Variants in ARID1B observed in about 807,000 individuals in gnomAD.
The protein encoded by ARID1B is AT-rich interaction domain 1B.
In ARID1B, 30 loss-of-function variants were observed where a neutral mutation model predicts 212.3. The ratio of observed to expected loss-of-function variants is 0.14; its 90% CI spans 0.11 to 0.19. The LOEUF (loss-of-function observed/expected upper bound fraction) is 0.19. ARID1B is among the 10% of genes least tolerant of loss of function. The pLI, the probability that ARID1B is intolerant of heterozygous loss-of-function variation, is 1.00. For missense variants in ARID1B, 2,891 were observed against 3,204.0 expected (o/e 0.90, Z 2.36); for synonymous variants, 1,402 against 1,301.7 (o/e 1.08, Z -1.66).
chr6:156,927,368 A>G (rs370159597), intron 3 of ARID1B, among the ~76,000 whole-genome samples: 53 of 152,060 alleles, frequency 3.5e-4, no homozygotes, highest in Non-Finnish European at 6.5e-4. Flanking sequence ...TTGATTTGCA[A>G]TGGTTTAACA....
intron 4 of ARID1B, among the ~76,000 whole-genome samples, chr6:156,946,204 A>G (rs901410879): frequency 9.6e-5 from 5 of 52,338 alleles, no homozygotes; most frequent in African/African-American, 1.6e-4. Flanking sequence ...TAAAAATACG[A>G]AAAAAAAAAA....
chr6:156,948,327 C>G (rs1793317536), intron 4 of ARID1B, among the ~76,000 whole-genome samples: 1 of 152,208 alleles, frequency 6.6e-6, no homozygotes, highest in African/African-American at 2.4e-5. Context: ...AGCCTCCCAC[C>G]TCAGCCTCTC....
At chr6:156,847,784 T>C (rs79037667) in intron 2 of ARID1B, among the ~76,000 whole-genome samples, 5,029 of 152,280 alleles carry the variant, frequency 0.033, 277 homozygotes, top group African/African-American at 0.11. Flanking sequence ...ATTTTAAGGT[T>C]ATATTTAGTT....
At chr6:156,932,497 A>G (rs555368096) in intron 3 of ARID1B, among the ~76,000 whole-genome samples, 31 of 152,344 alleles carry the variant, frequency 2.0e-4, no homozygotes, top group African/African-American at 7.0e-4. Flanking sequence ...TTAAACTTAC[A>G]AATAACCAAA....
intron 2 of ARID1B, among the ~76,000 whole-genome samples, chr6:156,840,906 A>G (rs551001664): frequency 6.6e-5 from 10 of 152,320 alleles, no homozygotes; most frequent in East Asian, 1.9e-4. Context: ...CACTGGGTGT[A>G]ATACCTCAGT....
chr6:157,206,016 T>C lies in ARID1B; in HGVS notation c.5395-151T>C. ...AGTTCGCTGGACCTGAAGGGTAGTT[T>C]ATCTTTCATGGTCCAGCCAAAAAGG... On this transcript the variant is annotated intron_variant, in intron 19 of 19. Transcript: ENST00000636930. This position sits in a 1 kb window ranked among gnomAD's most constrained non-coding sequence, Gnocchi z 6.8. The C allele has an allele frequency of 1.2e-6, 1 of 860,336 alleles. No individual in the cohort carries two copies. The highest frequency in any genetic ancestry group is 1.7e-5 in the African/African-American group (1 of 59,478). The allele number at this position is 860,336 out of a possible 1,614,324, so 53.3% of individuals were successfully genotyped here. A position where few individuals can be genotyped will look rare whatever the true frequency, so the allele number is the denominator to read the frequency against.
chr6:156,789,352 G>A (rs1409687560), intron 1 of ARID1B, among the ~76,000 whole-genome samples: 9 of 152,160 alleles, frequency 5.9e-5, no homozygotes, highest in South Asian at 2.1e-4. Context: ...AACTGTGTGC[G>A]TCAGGGCTTT....
chr6:156,833,587 A>G (rs1783293519), intron 2 of ARID1B, among the ~76,000 whole-genome samples: 2 of 152,222 alleles, frequency 1.3e-5, no homozygotes, highest in African/African-American at 4.8e-5. Context: ...TGCTTTTATG[A>G]TGGGAAAACA....
rs574696744 is a variant in ARID1B at position 157,200,395 on chromosome 6, G to T, written c.4480-310G>T. ...TAGTGCAGCTCCCAGCCCGGGAGCC[G>T]TCTGCCTGTGTGGGAGTTGAACGCT... On this transcript the variant is annotated intron_variant, in intron 17 of 19. Transcript: ENST00000636930. This position sits in a 1 kb window ranked among gnomAD's most constrained non-coding sequence, Gnocchi z 4.3. Among the ~76,000 whole-genome samples the T allele has an allele frequency of 6.6e-6, 1 of 151,992 alleles. No homozygotes were observed. Among genetic ancestry groups the T allele is most frequent in the African/African-American group, 2.4e-5 (1 of 41,378 alleles).
At chr6:157,119,116 C>T (rs1049567560) in intron 6 of ARID1B, among the ~76,000 whole-genome samples, 1 of 152,136 alleles carries the variant, frequency 6.6e-6, no homozygotes, top group Admixed American at 6.5e-5. Flanking sequence ...TTTTCTCCCC[C>T]GTCTGCCCCA....
intron 8 of ARID1B, among the ~76,000 whole-genome samples, chr6:157,157,935 A>T (rs1423523782): frequency 6.6e-6 from 1 of 152,202 alleles, no homozygotes; most frequent in Non-Finnish European, 1.5e-5. Context: ...AGGTGGGAGG[A>T]TCACTTGAGC....
chr6:157,180,414 C>T (rs1309467045), intron 11 of ARID1B, among the ~76,000 whole-genome samples: 1 of 152,002 alleles, frequency 6.6e-6, no homozygotes, highest in East Asian at 1.9e-4. Context: ...AGCTTATAGC[C>T]CACACCACTG....
At chr6:157,116,572 T>C (rs970893716) in intron 6 of ARID1B, among the ~76,000 whole-genome samples, 8 of 150,898 alleles carry the variant, frequency 5.3e-5, no homozygotes, top group African/African-American at 1.5e-4. Context: ...CCTTGAGATA[T>C]GCTGAAGCAG....
At chr6:156,876,051 C>A (rs748750558) in intron 2 of ARID1B, among the ~76,000 whole-genome samples, 15 of 150,332 alleles carry the variant, frequency 1.0e-4, no homozygotes, top group East Asian at 3.9e-4. Flanking sequence ...TGTCTGCATA[C>A]ACTGTCCTTT....
In ARID1B at chr6:157,189,685, T is replaced by C. The variant is rs372186962; in HGVS notation, c.3963T>C (p.Thr1321=). 106 of 1,613,820 alleles carry C rather than the reference T, an allele frequency of 6.6e-5. 1 individual carries two copies. The highest frequency in any genetic ancestry group is 1.6e-4 in the Middle Eastern group (1 of 6,084). The change falls in exon 14 of 20, where the codon ACT becomes ACC. Residue 1321 remains threonine (T), a synonymous_variant. Coordinates refer to ENST00000636930, the MANE Select transcript of ARID1B (RefSeq NM_001374828.1). ...SLQGPQTPQS[T]GSNSMAEVPG... is the part of the protein sequence containing the mutation. ...AAGGCCCACAGACCCCCCAGTCAAC[T>C]GGCAGCAATTCCATGGCAGAGGTTC... is the stretch of plus-strand genomic sequence containing the variant.
At chr6:157,095,844 A>T (rs1785581810) in intron 5 of ARID1B, among the ~76,000 whole-genome samples, 1 of 88,980 alleles carries the variant, frequency 1.1e-5, no homozygotes, top group Admixed American at 1.1e-4. Flanking sequence ...ATTCTACTTG[A>T]AAAAAGGCAA....
chr6:156,974,904 C>T (rs1475183292), intron 4 of ARID1B, among the ~76,000 whole-genome samples: 1 of 152,166 alleles, frequency 6.6e-6, no homozygotes, highest in African/African-American at 2.4e-5. Flanking sequence ...AACACCACTA[C>T]ACATATTTAT....
intron 8 of ARID1B, chr6:157,150,417 T>C (rs1204618342): frequency 1.3e-5 from 2 of 152,364 alleles, no homozygotes; most frequent in Non-Finnish European, 2.9e-5. Flanking sequence ...CTGCCCATTT[T>C]AGCTCACCAG....
chr6:157,103,474 C>T (rs927175303), intron 5 of ARID1B, among the ~76,000 whole-genome samples: 2 of 152,178 alleles, frequency 1.3e-5, no homozygotes, highest in African/African-American at 4.8e-5. Context: ...GACTGCCCCA[C>T]CATCTTGTTC....
Sources: allele counts gnomAD v4.1 joint callset (sites outside exome capture counted in the v4.1 genomes callset), GRCh38; gene constraint gnomAD v4.1.1; non-coding constraint Gnocchi (gnomAD v3.1); transcripts MANE v1.5; gene names NCBI Gene and HGNC (gene_info 2026-07-23, HGNC 2026-07-21).